RAB3IP: variants seen among roughly 807,000 people sequenced by gnomAD.
The protein encoded by RAB3IP is RAB3A interacting protein.
In RAB3IP, 36 loss-of-function variants were observed where a neutral mutation model predicts 59.1. That is an observed-to-expected ratio of 0.61 (90% CI 0.47 to 0.80). RAB3IP has a LOEUF of 0.80. RAB3IP is among the 30% of genes least tolerant of loss of function. The probability of loss-of-function intolerance (pLI) is 0.00; values close to 1 mark genes in which losing one functional copy is unlikely to be tolerated. For missense variants in RAB3IP, 511 were observed against 536.0 expected (o/e 0.95, Z 0.46); for synonymous variants, 207 against 191.2 (o/e 1.08, Z -0.68).
chr12:69,820,366 C>G lies in RAB3IP; in HGVS notation c.*4920C>G, dbSNP rs933350973. ...ATCTGTCTACCTCCCTCCATGTCCA[C>G]TGCTACCACTCTGCCCAAGCTATTA... is the stretch of plus-strand genomic sequence containing the variant. On this transcript the variant is annotated 3_prime_UTR_variant, in exon 11 of 11. Transcript: ENST00000247833. The G allele has an allele frequency of 6.6e-5, 10 of 152,164 alleles. No homozygotes were observed. Among genetic ancestry groups the G allele is most frequent in the Non-Finnish European group, 1.5e-4 (10 of 68,082 alleles). 9.4% of individuals were successfully genotyped at this position (152,164 alleles called of 1,614,324 possible). A position where few individuals can be genotyped will look rare whatever the true frequency, so the allele number is the denominator to read the frequency against.
chr12:69,750,893 A>G (rs1869173977), intron 1 of RAB3IP, among the ~76,000 whole-genome samples: 1 of 152,084 alleles, frequency 6.6e-6, no homozygotes, highest in Non-Finnish European at 1.5e-5. Flanking sequence ...AAGTTCCTCA[A>G]ACAACCTTTT....
At chr12:69,809,584 A>C (rs1335559043) in intron 8 of RAB3IP, among the ~76,000 whole-genome samples, 1 of 152,196 alleles carries the variant, frequency 6.6e-6, no homozygotes, top group Non-Finnish European at 1.5e-5. Context: ...TATTTCTTGC[A>C]GGCTTTGTTC....
chr12:69,787,778 T>C (rs1253114326), intron 4 of RAB3IP, among the ~76,000 whole-genome samples: 1 of 145,934 alleles, frequency 6.9e-6, no homozygotes, highest in Admixed American at 7.0e-5. Flanking sequence ...AATTTGAGCA[T>C]GTTACCTCCA....
At chr12:69,806,801 T>G (rs992390688) in intron 8 of RAB3IP, among the ~76,000 whole-genome samples, 1 of 152,110 alleles carries the variant, frequency 6.6e-6, no homozygotes, top group African/African-American at 2.4e-5. Flanking sequence ...ATGCAGCCTT[T>G]AAGCATCTGT....
chr12:69,805,638 A>G (rs1879136008), intron 8 of RAB3IP, among the ~76,000 whole-genome samples: 2 of 151,794 alleles, frequency 1.3e-5, no homozygotes. Context: ...TGGGTTTGTC[A>G]TAGATAGCTC....
At chr12:69,763,561 T>C (rs900687651) in intron 3 of RAB3IP, among the ~76,000 whole-genome samples, 4 of 152,238 alleles carry the variant, frequency 2.6e-5, no homozygotes, top group African/African-American at 9.6e-5. Context: ...TCTCCTATTA[T>C]AATTCTTTGA....
At chr12:69,771,643 T>G (rs1345615735) in intron 3 of RAB3IP, among the ~76,000 whole-genome samples, 2 of 152,232 alleles carry the variant, frequency 1.3e-5, no homozygotes, top group Non-Finnish European at 2.9e-5. Flanking sequence ...ACATACTGAT[T>G]TACTTTTCTG....
intron 1 of RAB3IP, among the ~76,000 whole-genome samples, chr12:69,746,331 T>C (rs1028497247): frequency 1.3e-5 from 2 of 152,120 alleles, no homozygotes; most frequent in Non-Finnish European, 2.9e-5. Flanking sequence ...CAGCCTGCTT[T>C]TCTGTTACTG....
In RAB3IP at chr12:69,764,795, ATTTC is replaced by A. The variant is rs536794433; in HGVS notation, c.510+8136_510+8139del. On this transcript the variant is annotated intron_variant, in intron 3 of 10. Coordinates refer to ENST00000247833, the MANE Select transcript of RAB3IP (RefSeq NM_022456.5). ...TCCATGAGCATGAAATATTTTTAAA[ATTTC>A]TTTGTGTTATTTATGATTTAACGGT... 8.3e-4 allele frequency among the ~76,000 whole-genome samples: 127 copies of A among 152,126 alleles called. 1 individual carries two copies. The highest frequency in any genetic ancestry group is 2.7e-3 in the African/African-American group (112 of 41,494).
intron 1 of RAB3IP, among the ~76,000 whole-genome samples, chr12:69,746,998 C>T (rs766744136): frequency 3.3e-5 from 5 of 152,226 alleles, no homozygotes; most frequent in Middle Eastern, 6.8e-3. Context: ...TGTGATAATA[C>T]AAGTAAAACA....
intron 8 of RAB3IP, among the ~76,000 whole-genome samples, chr12:69,802,269 C>T (rs1878515684): frequency 1.3e-5 from 2 of 151,962 alleles, no homozygotes; most frequent in South Asian, 4.2e-4. Context: ...TCTTATCGAT[C>T]ATGAAAACTG....
rs1275115699 is a variant in RAB3IP, at chr12:69,816,970, T to G, written c.*1524T>G. 3 of 152,202 alleles carry G rather than the reference T, an allele frequency of 2.0e-5. No individual in the cohort carries two copies. The East Asian group carries it at 5.8e-4, about 29-fold the overall frequency. The allele number at this position is 152,202 out of a possible 1,614,324, so 9.4% of individuals were successfully genotyped here. A position where few individuals can be genotyped will look rare whatever the true frequency, so the allele number is the denominator to read the frequency against. ...ATGTGAAATTGAACCTGAAAAAAACTTTGAACCTACAATTTTATGTTCTGA... is the reference window on the plus strand; with the variant it reads ...ATGTGAAATTGAACCTGAAAAAAACGTTGAACCTACAATTTTATGTTCTGA... On this transcript the variant is annotated 3_prime_UTR_variant, in exon 11 of 11. Transcript: ENST00000247833.
rs12426906 is a variant in RAB3IP at position 69,785,860 on chromosome 12, A to G, written c.606+1045A>G. ...ATACCCCCGGTCATTTTGACAGCATACAGATACCCCTGGGGGTGAGGTGAG... is the reference window on the plus strand; with the variant it reads ...ATACCCCCGGTCATTTTGACAGCATGCAGATACCCCTGGGGGTGAGGTGAG... On this transcript the variant is annotated intron_variant, in intron 4 of 10. Coordinates refer to ENST00000247833, the MANE Select transcript of RAB3IP (RefSeq NM_022456.5). Among the ~76,000 whole-genome samples the G allele has an allele frequency of 8.0e-3, 1,218 of 152,298 alleles. 11 individuals are homozygous for G. The highest frequency in any genetic ancestry group is 0.05 in the East Asian group (259 of 5,160).
intron 3 of RAB3IP, among the ~76,000 whole-genome samples, chr12:69,757,750 T>C (rs1870462540): frequency 6.6e-6 from 1 of 152,192 alleles, no homozygotes; most frequent in Non-Finnish European, 1.5e-5. Context: ...GAAAAGGATG[T>C]GGTGAGATGT....
chr12:69,819,227 A>G lies in RAB3IP; in HGVS notation c.*3781A>G, dbSNP rs1881450764. On this transcript the variant is annotated 3_prime_UTR_variant, in exon 11 of 11. Transcript: ENST00000247833. ...CCAAAACAAAAAATAAAAGGTAAGA[A>G]AATTGTTGAATTGCATTTGAGAGAG... 6.6e-6 allele frequency: 1 copy of G among 152,328 alleles called. No individual in the cohort carries two copies. Among genetic ancestry groups the G allele is most frequent in the East Asian group, 1.9e-4 (1 of 5,184 alleles). 9.4% of individuals were successfully genotyped at this position (152,328 alleles called of 1,614,324 possible).
chr12:69,738,795 T>G, upstream of RAB3IP: 1 of 110,518 alleles, frequency 9.0e-6, no homozygotes, highest in Admixed American at 8.1e-5. Context: ...CACACCCCCC[T>G]ACCCCGCCCT....
chr12:69,794,193 T>C (rs927433997), intron 4 of RAB3IP, among the ~76,000 whole-genome samples: 1 of 152,186 alleles, frequency 6.6e-6, no homozygotes, highest in Non-Finnish European at 1.5e-5. Context: ...CGCAAGTATC[T>C]ATCCGGATGA....
At position 69,795,151 on chromosome 12, in the gene RAB3IP, T is replaced by A; in HGVS notation, c.695T>A (p.Leu232His). The change falls in exon 6 of 11, where the codon CTT becomes CAT. Residue 232 changes from leucine (L) to histidine (H), a missense_variant. Coordinates refer to ENST00000247833, the MANE Select transcript of RAB3IP (RefSeq NM_022456.5). The stretch of plus-strand genomic sequence containing the variant: ...TGATTTCTTTCCAAGATTGATGTAC[T>A]TCAAGCTGAAGTAGCTGCATTGAAG... ...LKEAQGKIDV[L>H]QAEVAALKTL... The A allele has an allele frequency of 6.2e-7, 1 of 1,613,254 alleles. No individual in the cohort carries two copies. Among genetic ancestry groups the A allele is most frequent in the Middle Eastern group, 1.7e-4 (1 of 6,058 alleles).
intron 3 of RAB3IP, among the ~76,000 whole-genome samples, chr12:69,768,769 T>C (rs1007434463): frequency 6.6e-6 from 1 of 152,074 alleles, no homozygotes; most frequent in Non-Finnish European, 1.5e-5. Flanking sequence ...ACTACTCCAG[T>C]ACTTTCCACA....
Sources: gnomAD v4.1 joint callset for allele counts (sites outside exome capture counted in the v4.1 genomes callset) on GRCh38, gnomAD v4.1.1 for gene constraint, MANE v1.5 for transcripts, NCBI Gene and HGNC (gene_info 2026-07-23, HGNC 2026-07-21) for gene names.